Variants in DLG2 observed in about 807,000 individuals in gnomAD.
DLG2 encodes discs large MAGUK scaffold protein 2.
Under a neutral mutation model 132.5 loss-of-function variants are expected in DLG2, and 45 were observed. That is an observed-to-expected ratio of 0.34 (90% CI 0.27 to 0.44). The LOEUF (loss-of-function observed/expected upper bound fraction) is 0.44. Among genes scored for constraint, DLG2 ranks in the 20% least tolerant of loss-of-function variants. The pLI is 1.00. For synonymous variants in DLG2, 424 were observed against 419.6 expected (o/e 1.01, Z -0.13); for missense variants, 1,045 against 1,196.9 (o/e 0.87, Z 1.87).
chr11:84,406,390 C>T (rs1362456680), intron 7 of DLG2, among the ~76,000 whole-genome samples: 1 of 152,190 alleles, frequency 6.6e-6, no homozygotes, highest in Non-Finnish European at 1.5e-5. Context: ...ATAAACAGGG[C>T]TCACTGCAGC....
chr11:84,934,546 T>TTTTTTTTTTTTTG lies in DLG2; in HGVS notation c.357+177114_357+177115insCAAAAAAAAAAAA, dbSNP rs1183459468. Among the ~76,000 whole-genome samples the TTTTTTTTTTTTTG allele has an allele frequency of 8.5e-5, 11 of 128,720 alleles. 1 individual carries two copies. The highest frequency in any genetic ancestry group is 2.7e-4 in the East Asian group (1 of 3,732). The allele number at this position is 128,720 out of a possible 152,430, so 84.4% of individuals were successfully genotyped here. ...TTTTGTTTTTTTTTTTTTTTTTTTT[T>TTTTTTTTTTTTTG]GGTGGGTAGGCTATTTATTACTGTC... On this transcript the variant is annotated intron_variant, in intron 6 of 27. Transcript: ENST00000376104.
At chr11:84,438,326 C>T (rs553088230) in intron 7 of DLG2, among the ~76,000 whole-genome samples, 51 of 152,160 alleles carry the variant, frequency 3.4e-4, no homozygotes, top group East Asian at 1.7e-3. Context: ...AGTGAAGGTC[C>T]GTAGTTTTAG....
chr11:84,294,435 T>A (rs914722665), intron 7 of DLG2, among the ~76,000 whole-genome samples: 8 of 151,978 alleles, frequency 5.3e-5, no homozygotes, highest in African/African-American at 1.9e-4. Context: ...CCATCTCTAC[T>A]AAAAATACAA....
chr11:83,517,757 C>T (rs561092703), intron 21 of DLG2, among the ~76,000 whole-genome samples: 35 of 152,224 alleles, frequency 2.3e-4, no homozygotes, highest in Non-Finnish European at 3.7e-4. Flanking sequence ...CCCTCAGCTG[C>T]AGGTCTGTTG....
intron 7 of DLG2, among the ~76,000 whole-genome samples, chr11:84,261,082 A>G (rs759088132): frequency 5.9e-5 from 9 of 152,234 alleles, no homozygotes. Flanking sequence ...TTAGCAGTAC[A>G]GTTGTATTAT....
chr11:84,403,352 A>G (rs942233770), intron 7 of DLG2, among the ~76,000 whole-genome samples: 1 of 152,172 alleles, frequency 6.6e-6, no homozygotes, highest in African/African-American at 2.4e-5. Flanking sequence ...AGTATTGACA[A>G]TGCTGTGAAG....
chr11:84,217,674 T>G (rs980839403), intron 8 of DLG2, among the ~76,000 whole-genome samples: 4 of 152,216 alleles, frequency 2.6e-5, no homozygotes, highest in Non-Finnish European at 5.9e-5. Context: ...CGTGTTAACT[T>G]CAAGAAAACT....
intron 6 of DLG2, among the ~76,000 whole-genome samples, chr11:85,068,531 T>TGAG (rs1351293927): frequency 6.6e-6 from 1 of 152,106 alleles, no homozygotes; most frequent in African/African-American, 2.4e-5. Context: ...AGCCAAATCA[T>TGAG]GAGTGAACTC....
intron 6 of DLG2, among the ~76,000 whole-genome samples, chr11:85,052,539 A>G (rs1409004997): frequency 6.6e-6 from 1 of 152,218 alleles, no homozygotes; most frequent in Non-Finnish European, 1.5e-5. Context: ...TAATGAATTT[A>G]TAAGATATAG....
intron 18 of DLG2, among the ~76,000 whole-genome samples, chr11:83,677,481 C>T (rs1488462271): frequency 1.3e-5 from 2 of 152,046 alleles, no homozygotes; most frequent in Non-Finnish European, 2.9e-5. Flanking sequence ...TACATCTTCC[C>T]AACTTCCTGA....
intron 11 of DLG2, among the ~76,000 whole-genome samples, chr11:84,028,981 C>CT: frequency 6.6e-6 from 1 of 151,886 alleles, no homozygotes; most frequent in Non-Finnish European, 1.5e-5. Flanking sequence ...ATAATAAGCT[C>CT]TAAATGATTA....
At chr11:84,264,544 A>C (rs931189121) in intron 7 of DLG2, among the ~76,000 whole-genome samples, 1 of 152,142 alleles carries the variant, frequency 6.6e-6, no homozygotes, top group African/African-American at 2.4e-5. Context: ...GAAGGAGCAC[A>C]GGGAGTAGGT....
At chr11:85,548,240 G>A (rs2076451076) in intron 3 of DLG2, among the ~76,000 whole-genome samples, 1 of 152,136 alleles carries the variant, frequency 6.6e-6, no homozygotes. Flanking sequence ...CTGACAGTCA[G>A]GCCCCTCTGC....
chr11:84,480,708 T>A (rs894055111), intron 7 of DLG2, among the ~76,000 whole-genome samples: 1 of 151,652 alleles, frequency 6.6e-6, no homozygotes, highest in African/African-American at 2.4e-5. Context: ...CAGTATTCGT[T>A]TTTTGTTTGT....
At chr11:85,030,161 C>G (rs1242710316) in intron 6 of DLG2, among the ~76,000 whole-genome samples, 2 of 152,180 alleles carry the variant, frequency 1.3e-5, no homozygotes, top group Non-Finnish European at 2.9e-5. Context: ...TAAAGTTTTA[C>G]TTTTGTCAAT....
intron 6 of DLG2, among the ~76,000 whole-genome samples, chr11:84,889,872 A>G (rs17147742): frequency 0.1 from 15,295 of 152,194 alleles, 1,034 homozygotes; most frequent in African/African-American, 0.19. Flanking sequence ...CGAGTTTGCC[A>G]AGACACATGG....
intron 6 of DLG2, among the ~76,000 whole-genome samples, chr11:84,924,682 GTTTGTGCCTTTTT>G (rs2154085915): frequency 6.6e-6 from 1 of 152,332 alleles, no homozygotes; most frequent in Admixed American, 6.5e-5. Flanking sequence ...GGCTGTCATT[GTTTGTGCCTTTTT>G]TTAGGAAGAA....
At chr11:85,372,998 C>T (rs939058923) in intron 3 of DLG2, among the ~76,000 whole-genome samples, 1 of 152,280 alleles carries the variant, frequency 6.6e-6, no homozygotes, top group South Asian at 2.1e-4. Context: ...TTCTCTTCCT[C>T]GGTTCTCTCT....
At chr11:85,627,061 T>G (rs2082071172) in intron 1 of DLG2, among the ~76,000 whole-genome samples, 157 bp downstream of exon 1, 1 of 152,168 alleles carries the variant, frequency 6.6e-6, no homozygotes, top group African/African-American at 2.4e-5. Flanking sequence ...TACTCAAATC[T>G]GTAGAGAAAA....
Sources: allele counts gnomAD v4.1 joint callset (sites outside exome capture counted in the v4.1 genomes callset), GRCh38; gene constraint gnomAD v4.1.1; transcripts MANE v1.5; gene names NCBI Gene and HGNC (gene_info 2026-07-23, HGNC 2026-07-21).